FGF12: variants seen among roughly 807,000 people sequenced by gnomAD.
FGF12 encodes the protein fibroblast growth factor 12B.
FGF12 carries 14 observed loss-of-function variants against 23.6 expected under a neutral mutation model. The observed-to-expected ratio is 0.59, with a 90% CI of 0.39 to 0.93. The LOEUF is 0.93. Among genes scored for constraint, FGF12 ranks in the 40% least tolerant of loss-of-function variants. FGF12 has a pLI of 0.00. For missense variants in FGF12, 175 were observed against 217.8 expected, an observed-to-expected ratio of 0.80 and a Z score of 1.24; for synonymous variants, 62 against 77.3, an observed-to-expected ratio of 0.80 and a Z score of 1.04.
intron 2 of FGF12, among the ~76,000 whole-genome samples, chr3:192,706,361 C>T (rs1166157266): frequency 6.6e-6 from 1 of 152,086 alleles, no homozygotes; most frequent in Non-Finnish European, 1.5e-5. Context: ...TCGCCCACCT[C>T]ATATTACCAA....
intron 4 of FGF12, among the ~76,000 whole-genome samples, chr3:192,223,100 T>C (rs1718556488): frequency 6.6e-6 from 1 of 152,162 alleles, no homozygotes; most frequent in Non-Finnish European, 1.5e-5. Context: ...AAAGGGATCT[T>C]GCAAATGCCT....
chr3:192,675,381 G>A (rs1717291940), intron 2 of FGF12, among the ~76,000 whole-genome samples: 1 of 151,498 alleles, frequency 6.6e-6, no homozygotes, highest in Non-Finnish European at 1.5e-5. Context: ...TGACATAAAT[G>A]ATAAAACCAA....
Position 192,532,536 on chromosome 3 carries a change from T to A in FGF12, c.14-171998A>T, listed in dbSNP as rs143439675. Among the ~76,000 whole-genome samples, 425 of 152,324 alleles carry A rather than the reference T, an allele frequency of 2.8e-3. 7 individuals are homozygous for A. Among genetic ancestry groups the A allele is most frequent in the Admixed American group, 0.018 (279 of 15,310 alleles). On this transcript the variant is annotated intron_variant, in intron 2 of 5. Coordinates refer to ENST00000445105, the MANE Select transcript of FGF12 (RefSeq NM_004113.6). ...TTTTAAAAGCAATTGAGTTCTTGAT[T>A]TGATTCTCAACTTTGTCGTTGTTGG... is the stretch of plus-strand genomic sequence containing the variant.
chr3:192,221,072 A>G (rs916970924), intron 4 of FGF12, among the ~76,000 whole-genome samples: 2 of 152,194 alleles, frequency 1.3e-5, no homozygotes, highest in Non-Finnish European at 2.9e-5. Context: ...TGGTAACAAG[A>G]TAAGACTGGG....
At chr3:192,378,509 T>C (rs745484911) in intron 2 of FGF12, among the ~76,000 whole-genome samples, 2 of 152,234 alleles carry the variant, frequency 1.3e-5, no homozygotes, top group Non-Finnish European at 2.9e-5. Context: ...AGATTATTCA[T>C]AAACATAATT....
chr3:192,651,252 G>A (rs1002127234), intron 2 of FGF12, among the ~76,000 whole-genome samples: 1 of 152,206 alleles, frequency 6.6e-6, no homozygotes, highest in Non-Finnish European at 1.5e-5. Flanking sequence ...TTCAGAGTGG[G>A]ATATTCAGGT....
chr3:192,389,085 C>T (rs992203244), intron 2 of FGF12, among the ~76,000 whole-genome samples: 6 of 152,146 alleles, frequency 3.9e-5, no homozygotes, highest in Admixed American at 6.5e-5. Flanking sequence ...CATGGCCGGG[C>T]GCGGTGGCTC....
At position 192,672,442 on chromosome 3, in the gene FGF12, C is replaced by A. The variant is rs1416070456; in HGVS notation, c.13+54739G>T. Among the ~76,000 whole-genome samples the A allele has an allele frequency of 3.3e-5, 5 of 150,750 alleles. 1 individual carries two copies. Among genetic ancestry groups the A allele is most frequent in the Admixed American group, 2.0e-4 (3 of 15,008 alleles). On this transcript the variant is annotated intron_variant, in intron 2 of 5. Coordinates refer to ENST00000445105, the MANE Select transcript of FGF12 (RefSeq NM_004113.6). ...TTGTCATTCTAGGTTGATATCCATG[C>A]ACCCATCTCTACTTACCTCAAATTC...
intron 4 of FGF12, among the ~76,000 whole-genome samples, chr3:192,181,378 G>GACACACACACACAC (rs35246455): frequency 6.8e-6 from 1 of 147,212 alleles, no homozygotes; most frequent in East Asian, 2.0e-4. Context: ...CACACACACA[G>GACACACACACACAC]ACACACACAC....
intron 4 of FGF12, among the ~76,000 whole-genome samples, chr3:192,227,536 T>G (rs1175589022): frequency 1.4e-5 from 2 of 146,988 alleles, no homozygotes; most frequent in Non-Finnish European, 3.0e-5. Context: ...CATTTACTTC[T>G]ACCTGGTAAA....
At chr3:192,626,707 G>A (rs562288924) in intron 2 of FGF12, among the ~76,000 whole-genome samples, 1 of 152,166 alleles carries the variant, frequency 6.6e-6, no homozygotes, top group Middle Eastern at 3.4e-3. Context: ...CCAACTCCTG[G>A]GCTCAAACGG....
intron 3 of FGF12, among the ~76,000 whole-genome samples, chr3:192,337,520 T>C (rs1224526247): frequency 1.3e-5 from 2 of 152,152 alleles, no homozygotes; most frequent in African/African-American, 4.8e-5. Context: ...TATCTGGACT[T>C]TACCAAATAG....
chr3:192,682,692 G>A (rs1012312124), intron 2 of FGF12, among the ~76,000 whole-genome samples: 5 of 152,144 alleles, frequency 3.3e-5, no homozygotes, highest in South Asian at 2.1e-4. Flanking sequence ...TGTGATTCAT[G>A]CTGGGCCCAT....
chr3:192,715,169 T>A (rs1025623135), intron 2 of FGF12, among the ~76,000 whole-genome samples: 1 of 152,236 alleles, frequency 6.6e-6, no homozygotes, highest in African/African-American at 2.4e-5. Flanking sequence ...TTTTTAAAGA[T>A]GATTACAGTA....
At chr3:192,410,583 T>A (rs1051552934) in intron 2 of FGF12, among the ~76,000 whole-genome samples, 1 of 152,180 alleles carries the variant, frequency 6.6e-6, no homozygotes, top group East Asian at 1.9e-4. Flanking sequence ...AAAGTAAAAA[T>A]GACCTCTTGG....
intron 2 of FGF12, among the ~76,000 whole-genome samples, chr3:192,524,776 A>G (rs1201788334): frequency 6.6e-6 from 1 of 152,116 alleles, no homozygotes; most frequent in Non-Finnish European, 1.5e-5. Context: ...TTTCCCTTCC[A>G]CAAACATACA....
intron 4 of FGF12, among the ~76,000 whole-genome samples, chr3:192,206,861 AG>A (rs1183188571): frequency 1.3e-5 from 2 of 151,754 alleles, no homozygotes; most frequent in African/African-American, 4.8e-5. Context: ...ACCCTCCTGG[AG>A]GGCCCCCTGG....
chr3:192,625,985 C>A (rs1187686906), intron 2 of FGF12, among the ~76,000 whole-genome samples: 1 of 152,178 alleles, frequency 6.6e-6, no homozygotes, highest in Non-Finnish European at 1.5e-5. Flanking sequence ...AAAGATGAGA[C>A]AGTCCCTGTT....
chr3:192,219,803 T>C (rs1718380953), intron 4 of FGF12, among the ~76,000 whole-genome samples: 1 of 152,204 alleles, frequency 6.6e-6, no homozygotes, highest in Non-Finnish European at 1.5e-5. Context: ...ACCCTGCACA[T>C]CTCTATTAGT....
Sources: allele counts gnomAD v4.1 joint callset (sites outside exome capture counted in the v4.1 genomes callset), GRCh38; gene constraint gnomAD v4.1.1; transcripts MANE v1.5; gene names NCBI Gene and HGNC (gene_info 2026-07-23, HGNC 2026-07-21).